The following SYNE2 variants were observed in gnomAD, a reference collection of about 807,000 sequenced individuals.
SYNE2 encodes nesprin-2.
In SYNE2, 431 loss-of-function variants were observed where a neutral mutation model predicts 856.3. That is an observed-to-expected ratio of 0.50 (90% CI 0.47 to 0.55). The LOEUF (loss-of-function observed/expected upper bound fraction) is 0.55. Among genes scored for constraint, SYNE2 ranks in the 20% least tolerant of loss-of-function variants. The pLI, the probability that SYNE2 is intolerant of heterozygous loss-of-function variation, is 0.00. For synonymous variants in SYNE2, 2,923 were observed against 2,872.3 expected (o/e 1.02, Z -0.56); for missense variants, 8,129 against 8,023.2 (o/e 1.01, Z -0.50).
Position 64,193,310 on chromosome 14 carries a change from G to C in SYNE2, c.18038+3073G>C, listed in dbSNP as rs188633386. Reference sequence around the variant, plus strand: ...CATGCCTGTAATCCCAGCACTTTGGGAGGCTGAAGCCAGTGGATCACCTGC... The same window carrying C: ...CATGCCTGTAATCCCAGCACTTTGGCAGGCTGAAGCCAGTGGATCACCTGC... On this transcript the variant is annotated intron_variant, in intron 99 of 115. Coordinates refer to ENST00000555002, the MANE Select transcript of SYNE2 (RefSeq NM_182914.3). Among the ~76,000 whole-genome samples the C allele has an allele frequency of 1.4e-4, 21 of 152,314 alleles. No individual in the cohort carries two copies. The South Asian group carries it at 3.1e-3, about 23-fold the overall frequency.
At chr14:63,950,093 A>C (rs1485230519) in intron 7 of SYNE2, 87 bp downstream of exon 7, 3 of 1,412,756 alleles carry the variant, frequency 2.1e-6, no homozygotes, top group Non-Finnish European at 3.0e-6. Flanking sequence ...TCCCTCACTT[A>C]ACATGAAAAT....
At chr14:64,030,947 G>A (rs1406181140) in intron 44 of SYNE2, 69 bp from the exon 45 acceptor site, 2 of 1,197,404 alleles carry the variant, frequency 1.7e-6, no homozygotes, top group Non-Finnish European at 2.5e-6. Flanking sequence ...AGTACTCTGT[G>A]ATTTACAAAA....
At chr14:63,771,896 C>CAAAAAAAAAAAAAAAAAAAAAAAAAAAAA (rs59481661) in intron 1 of SYNE2, among the ~76,000 whole-genome samples, 2 of 148,036 alleles carry the variant, frequency 1.4e-5, no homozygotes, top group African/African-American at 5.3e-5. Context: ...GACTCTGTCT[C>CAAAAAAAAAAAAAAAAAAAAAAAAAAAAA]AAAAAGCAAA....
intron 2 of SYNE2, among the ~76,000 whole-genome samples, chr14:63,919,745 A>G (rs766170963): frequency 6.6e-6 from 1 of 152,200 alleles, no homozygotes; most frequent in Non-Finnish European, 1.5e-5. Context: ...TAAATGCCAC[A>G]CAGCAGTCAA....
rs376065455 is a variant in SYNE2, at chr14:63,771,621, G to C, written c.-305+9635G>C. Among the ~76,000 whole-genome samples the C allele has an allele frequency of 3.9e-5, 6 of 152,206 alleles. No homozygotes were observed. In the East Asian group the frequency reaches 9.7e-4, roughly 25 times the overall value. On this transcript the variant is annotated intron_variant, in intron 1 of 23. Coordinates refer to the SYNE2 transcript ENST00000674003. ...GTATTAAAAACACTAAACACAGGCC[G>C]GGCATGGTGGCTTACGCCTGTAATC...
intron 2 of SYNE2, among the ~76,000 whole-genome samples, chr14:63,914,322 C>A (rs7157314): frequency 0.66 from 100,636 of 151,996 alleles, 33,530 homozygotes; most frequent in South Asian, 0.77. Flanking sequence ...AATTTGAGAC[C>A]AAAGTAGGAA....
intron 45 of SYNE2, among the ~76,000 whole-genome samples, chr14:64,042,666 G>T (rs2097157610): frequency 6.6e-6 from 1 of 152,152 alleles, no homozygotes; most frequent in South Asian, 2.1e-4. Flanking sequence ...TTTGCCTGCT[G>T]CCATCCACCT....
At chr14:64,186,921 G>A (rs2098494437) in intron 97 of SYNE2, among the ~76,000 whole-genome samples, 1 of 152,258 alleles carries the variant, frequency 6.6e-6, no homozygotes, top group African/African-American at 2.4e-5. Context: ...GCTGGACCCA[G>A]TGAAGAGGTC....
At chr14:63,790,158 C>T (rs984187706) in intron 1 of SYNE2, among the ~76,000 whole-genome samples, 1 of 152,022 alleles carries the variant, frequency 6.6e-6, no homozygotes, top group Non-Finnish European at 1.5e-5. Flanking sequence ...CATGGCAAAA[C>T]CCCATCCCTA....
At chr14:63,827,687 G>A (rs1431001294) in intron 1 of SYNE2, among the ~76,000 whole-genome samples, 1 of 147,200 alleles carries the variant, frequency 6.8e-6, no homozygotes, top group African/African-American at 2.5e-5. Context: ...AAAGAAATGG[G>A]CAAAGGATTT....
intron 19 of SYNE2, 116 bp downstream of exon 19, chr14:63,986,733 G>T: frequency 1.7e-6 from 2 of 1,186,522 alleles, no homozygotes; most frequent in Non-Finnish European, 1.2e-6. Context: ...TTTCTTTGTT[G>T]GGAGTTTTAA....
intron 99 of SYNE2, among the ~76,000 whole-genome samples, chr14:64,201,043 T>C (rs911639365): frequency 1.3e-5 from 2 of 152,226 alleles, no homozygotes; most frequent in African/African-American, 4.8e-5. Flanking sequence ...TGACTTTACA[T>C]GCAGCCTCTT....
chr14:64,203,018 G>C, intron 100 of SYNE2, 55 bp downstream of exon 100: 1 of 1,600,360 alleles, frequency 6.2e-7, no homozygotes, highest in Non-Finnish European at 8.5e-7. Context: ...GATATGCACT[G>C]ACTGAGGCCT....
intron 65 of SYNE2, among the ~76,000 whole-genome samples, chr14:64,111,970 G>A (rs1245886809): frequency 6.6e-6 from 1 of 152,148 alleles, no homozygotes; most frequent in Non-Finnish European, 1.5e-5. Context: ...AGGCAGGGAA[G>A]AAATGGCATT....
chr14:64,212,963 A>G lies in SYNE2; in HGVS notation c.19014A>G (p.Gly6338=), dbSNP rs771526055. Reference sequence around the variant, plus strand: ...ACCGCTACTGCCAGGAGGTGTTTGGAAGGGTCTCCCGGTTCCACCGGCGGC... The same window carrying G: ...ACCGCTACTGCCAGGAGGTGTTTGGGAGGGTCTCCCGGTTCCACCGGCGGC... The part of the protein sequence containing the change: ...ELHRYCQEVF[G]RVSRFHRRLT... The change falls in exon 105 of 116, where the codon GGA becomes GGG. Residue 6338 remains glycine, a synonymous_variant. Coordinates refer to ENST00000555002, the MANE Select transcript of SYNE2 (RefSeq NM_182914.3). 3.7e-6 allele frequency: 6 copies of G among 1,614,142 alleles called. No homozygotes were observed. Among genetic ancestry groups the G allele is most frequent in the Non-Finnish European group, 5.1e-6 (6 of 1,180,018 alleles).
At chr14:64,065,968 C>T (rs2097355992) in intron 51 of SYNE2, among the ~76,000 whole-genome samples, 1 of 152,080 alleles carries the variant, frequency 6.6e-6, no homozygotes, top group Non-Finnish European at 1.5e-5. Flanking sequence ...CTACATTATA[C>T]TAAAGGTTTA....
chr14:63,952,273 T>TC (rs2096174580), intron 7 of SYNE2, among the ~76,000 whole-genome samples: 2 of 152,188 alleles, frequency 1.3e-5, no homozygotes, highest in African/African-American at 2.4e-5. Context: ...TGCCTGCCAG[T>TC]CAGTGCAGTG....
chr14:64,176,792 T>G (rs1368647098), intron 95 of SYNE2, among the ~76,000 whole-genome samples: 2 of 141,856 alleles, frequency 1.4e-5, no homozygotes, highest in African/African-American at 6.2e-5. Flanking sequence ...TATTTATTTA[T>G]TTATTTATTT....
At chr14:63,903,518 G>T (rs1320465451) in intron 1 of SYNE2, among the ~76,000 whole-genome samples, 2 of 151,894 alleles carry the variant, frequency 1.3e-5, no homozygotes, top group Admixed American at 1.3e-4. Context: ...CTTTTTAGAG[G>T]TAGTCTGTCT....
Sources: allele counts gnomAD v4.1 joint callset (sites outside exome capture counted in the v4.1 genomes callset), GRCh38; gene constraint gnomAD v4.1.1; transcripts MANE v1.5; gene names NCBI Gene and HGNC (gene_info 2026-07-23, HGNC 2026-07-21).